The following PTP4A3 variants were observed in gnomAD, a reference collection of about 807,000 sequenced individuals.
PTP4A3 encodes the protein protein tyrosine phosphatase 4A3.
Under a neutral mutation model 15.2 loss-of-function variants are expected in PTP4A3, and 9 were observed. The observed-to-expected ratio is 0.59, with a 90% CI of 0.36 to 1.03. The LOEUF is 1.03. Among genes scored for constraint, PTP4A3 ranks in the 50% least tolerant of loss-of-function variants. The pLI, the probability that PTP4A3 is intolerant of heterozygous loss-of-function variation, is 0.02. For synonymous variants in PTP4A3, 95 were observed against 102.0 expected (o/e 0.93, Z 0.41); for missense variants, 234 against 252.1 (o/e 0.93, Z 0.49).
intron 1 of PTP4A3, among the ~76,000 whole-genome samples, chr8:141,393,449 G>C (rs1832351294): frequency 6.6e-6 from 1 of 152,234 alleles, no homozygotes; most frequent in African/African-American, 2.4e-5. Flanking sequence ...CCGCTAGGGA[G>C]CTGGTCACCC....
In PTP4A3 at chr8:141,426,555, C is replaced by T. The variant is rs888099702; in HGVS notation, c.199-384C>T. 6 of 985,302 alleles carry T rather than the reference C, an allele frequency of 6.1e-6. No homozygotes were observed. In the African/African-American group the frequency reaches 1.0e-4, roughly 17 times the overall value. 61.0% of individuals were successfully genotyped at this position (985,302 alleles called of 1,614,324 possible). ...ATGAGACCCTTTGCACCAGCCGACCCAAAACCTCTCAGGCTGCCACCGGCA... is the reference window on the plus strand; with the variant it reads ...ATGAGACCCTTTGCACCAGCCGACCTAAAACCTCTCAGGCTGCCACCGGCA... On this transcript the variant is annotated intron_variant, in intron 3 of 5. Coordinates refer to ENST00000521578, the MANE Select transcript of PTP4A3 (RefSeq NM_032611.3).
chr8:141,419,158 C>T (rs897682961), intron 1 of PTP4A3, among the ~76,000 whole-genome samples: 2 of 152,092 alleles, frequency 1.3e-5, no homozygotes, highest in African/African-American at 2.4e-5. Context: ...TGGGGTGGTT[C>T]GGAGCCTCCT....
At chr8:141,402,261 T>C (rs1423386971) in intron 1 of PTP4A3, among the ~76,000 whole-genome samples, 1 of 152,154 alleles carries the variant, frequency 6.6e-6, no homozygotes, top group Non-Finnish European at 1.5e-5. Flanking sequence ...GGGGTACTTG[T>C]GGCCCTGCAG....
At chr8:141,426,028 TC>T (rs2130274033) in intron 3 of PTP4A3, among the ~76,000 whole-genome samples, 1 of 152,188 alleles carries the variant, frequency 6.6e-6, no homozygotes, top group African/African-American at 2.4e-5. Context: ...ACACCCTCCC[TC>T]CCCTTCCACA....
chr8:141,417,711 G>T (rs1053470193), intron 1 of PTP4A3, among the ~76,000 whole-genome samples: 24 of 151,986 alleles, frequency 1.6e-4, no homozygotes, highest in African/African-American at 5.8e-4. Flanking sequence ...CCCGGCCCTC[G>T]CCGCGCCCCG....
At position 141,397,002 on chromosome 8, in the gene PTP4A3, C is replaced by G. The variant is rs2129790288; in HGVS notation, c.-854+4918C>G. Among the ~76,000 whole-genome samples, 2 of 152,214 alleles carry G rather than the reference C, an allele frequency of 1.3e-5. 1 individual carries two copies. The highest frequency in any genetic ancestry group is 4.8e-5 in the African/African-American group (2 of 41,532). On this transcript the variant is annotated intron_variant, in intron 1 of 5. Transcript: ENST00000521578. Reference sequence around the variant, plus strand: ...CTGGCTGGGGGCCTGGAGCCCACAGCCTCTCCTCCCTTGCTGTTTTCCCGG... The same window carrying G: ...CTGGCTGGGGGCCTGGAGCCCACAGGCTCTCCTCCCTTGCTGTTTTCCCGG...
intron 1 of PTP4A3, among the ~76,000 whole-genome samples, chr8:141,398,970 C>T (rs1211416772): frequency 1.3e-5 from 2 of 152,120 alleles, no homozygotes; most frequent in Non-Finnish European, 2.9e-5. Context: ...TGTCCCTGTC[C>T]CCATCTCAGT....
chr8:141,416,451 A>C (rs1833058105), intron 1 of PTP4A3, among the ~76,000 whole-genome samples: 2 of 152,286 alleles, frequency 1.3e-5, no homozygotes, highest in Non-Finnish European at 2.9e-5. Context: ...TATCCTTAGA[A>C]AGTGGCTGAG....
intron 1 of PTP4A3, among the ~76,000 whole-genome samples, chr8:141,414,003 G>A (rs1321667223): frequency 6.6e-6 from 1 of 151,314 alleles, no homozygotes; most frequent in Non-Finnish European, 1.5e-5. Context: ...CTGCTGCGGG[G>A]CAATGGGGTC....
At chr8:141,424,381 C>T (rs1460645719) in intron 2 of PTP4A3, among the ~76,000 whole-genome samples, 2 of 152,078 alleles carry the variant, frequency 1.3e-5, no homozygotes, top group Non-Finnish European at 1.5e-5. Flanking sequence ...TCCCTGCTGG[C>T]GTACAGGGCC....
At chr8:141,426,137 G>A (rs1411490794) in intron 3 of PTP4A3, among the ~76,000 whole-genome samples, 1 of 152,150 alleles carries the variant, frequency 6.6e-6, no homozygotes, top group Non-Finnish European at 1.5e-5. Context: ...AGATGCCCCC[G>A]AGGGCTGTGT....
intron 1 of PTP4A3, among the ~76,000 whole-genome samples, chr8:141,393,711 C>T (rs900637108): frequency 2.0e-5 from 3 of 152,226 alleles, no homozygotes; most frequent in African/African-American, 7.2e-5. Context: ...AGGCTGGGGG[C>T]CTCAGCTGGT....
intron 1 of PTP4A3, among the ~76,000 whole-genome samples, chr8:141,418,570 G>A (rs1269633114): frequency 1.3e-5 from 2 of 152,224 alleles, no homozygotes; most frequent in Non-Finnish European, 2.9e-5. Flanking sequence ...AGGGCTCTGG[G>A]CCTGCTGGCC....
intron 1 of PTP4A3, among the ~76,000 whole-genome samples, chr8:141,411,314 G>A (rs1287868138): frequency 2.6e-4 from 40 of 152,236 alleles, no homozygotes; most frequent in Admixed American, 1.8e-3. Flanking sequence ...AGCACTGCAC[G>A]TGCTTTTTGG....
At chr8:141,429,375 C>T (rs913853667) in intron 5 of PTP4A3, among the ~76,000 whole-genome samples, 9 of 152,262 alleles carry the variant, frequency 5.9e-5, no homozygotes, top group African/African-American at 2.2e-4. Flanking sequence ...GGGTGGGCAG[C>T]CCCCGCCCCT....
intron 1 of PTP4A3, among the ~76,000 whole-genome samples, chr8:141,401,534 C>T (rs527564376): frequency 2.6e-5 from 4 of 152,262 alleles, no homozygotes; most frequent in Admixed American, 1.3e-4. Context: ...TGCTGGCTGG[C>T]CCCTGCTCCC....
intron 1 of PTP4A3, among the ~76,000 whole-genome samples, chr8:141,416,962 T>TG (rs1833079177): frequency 6.6e-6 from 1 of 152,122 alleles, no homozygotes; most frequent in Non-Finnish European, 1.5e-5. Context: ...GACCCTGTGC[T>TG]GGGGGTACCA....
rs1379659815 is a variant in PTP4A3 at position 141,422,363 on chromosome 8, T to C, written c.105+18T>C. 22 of 1,612,484 alleles carry C rather than the reference T, an allele frequency of 1.4e-5. No individual in the cohort carries two copies. Among genetic ancestry groups the C allele is most frequent in the Non-Finnish European group, 1.8e-5 (21 of 1,179,708 alleles). ...TCATTGAGGTGAGTGGAGACGGAGG[T>C]GTGGCAGGCAGGTGGCCCAGGTGTC... On this transcript the variant is annotated intron_variant, in intron 2 of 5. Coordinates refer to ENST00000521578, the MANE Select transcript of PTP4A3 (RefSeq NM_032611.3).
At chr8:141,419,906 A>T (rs564469808) in intron 1 of PTP4A3, among the ~76,000 whole-genome samples, 2 of 152,112 alleles carry the variant, frequency 1.3e-5, no homozygotes, top group South Asian at 4.2e-4. Flanking sequence ...CCTTCCCAGA[A>T]CCATGCAGTG....
Sources: gnomAD v4.1 joint callset for allele counts (sites outside exome capture counted in the v4.1 genomes callset) on GRCh38, gnomAD v4.1.1 for gene constraint, MANE v1.5 for transcripts, NCBI Gene and HGNC (gene_info 2026-07-23, HGNC 2026-07-21) for gene names.